The following RASSF3 variants were observed in gnomAD, a reference collection of about 807,000 sequenced individuals.
RASSF3 encodes the protein ras association domain-containing protein 3.
Under a neutral mutation model 19.9 loss-of-function variants are expected in RASSF3, and 19 were observed. The ratio of observed to expected loss-of-function variants is 0.96; its 90% CI spans 0.67 to 1.40. RASSF3 has a LOEUF of 1.40. Ranked by LOEUF, RASSF3 falls within the 40% of genes most tolerant of loss-of-function variation. The probability of loss-of-function intolerance (pLI) is 0.00; values close to 1 mark genes in which losing one functional copy is unlikely to be tolerated. For missense variants in RASSF3, 306 were observed against 289.8 expected (o/e 1.06, Z -0.41); for synonymous variants, 110 against 104.2 (o/e 1.06, Z -0.34).
downstream of RASSF3, among the ~76,000 whole-genome samples, chr12:64,546,523 G>C (rs7306956): frequency 0.33 from 50,678 of 152,094 alleles, 10,476 homozygotes; most frequent in East Asian, 0.66. Flanking sequence ...ACCCGCCTAG[G>C]CCCCCCAAAG....
chr12:64,593,437 T>A (rs985422250), intron 2 of RASSF3, among the ~76,000 whole-genome samples: 8 of 152,048 alleles, frequency 5.3e-5, no homozygotes, highest in Non-Finnish European at 2.9e-5. Flanking sequence ...GCCCAGCTGG[T>A]CTTGAACTCC....
chr12:64,512,060 G>T (rs888863157), intron 1 of RASSF3, among the ~76,000 whole-genome samples: 1 of 152,190 alleles, frequency 6.6e-6, no homozygotes, highest in African/African-American at 2.4e-5. Context: ...GAGGGGGGCT[G>T]CTTATTAGAC....
intron 1 of RASSF3, among the ~76,000 whole-genome samples, chr12:64,511,799 A>G (rs1394565449): frequency 1.3e-5 from 2 of 151,896 alleles, no homozygotes; most frequent in African/African-American, 2.4e-5. Flanking sequence ...CCTTTTCATC[A>G]TGACTTATAA....
chr12:64,684,435 G>T (rs1147099), intron 1 of RASSF3, among the ~76,000 whole-genome samples: 72,134 of 129,790 alleles, frequency 0.56, 20,952 homozygotes, highest in African/African-American at 0.66. Context: ...TTGTTTGTTT[G>T]TTTTTTTTTT....
intron 1 of RASSF3, among the ~76,000 whole-genome samples, chr12:64,678,648 CAAAAA>C (rs767180678): frequency 2.2e-5 from 2 of 90,908 alleles, no homozygotes; most frequent in African/African-American, 8.3e-5. Context: ...TCCGTAATAC[CAAAAA>C]AAAAAAAAAA....
At chr12:64,539,515 A>T (rs1207472978) in intron 1 of RASSF3, among the ~76,000 whole-genome samples, 1 of 152,094 alleles carries the variant, frequency 6.6e-6, no homozygotes, top group East Asian at 1.9e-4. Flanking sequence ...GGTGGCTTAT[A>T]TCTGTAGTCC....
intron 2 of RASSF3, among the ~76,000 whole-genome samples, chr12:64,586,119 G>A (rs1869794439): frequency 6.6e-6 from 1 of 152,024 alleles, no homozygotes; most frequent in Admixed American, 6.6e-5. Context: ...GAAGTCAGGA[G>A]TTTGAGACCA....
intron 1 of RASSF3, among the ~76,000 whole-genome samples, chr12:64,642,436 T>TGA (rs1871569230): frequency 6.6e-6 from 1 of 151,538 alleles, no homozygotes; most frequent in African/African-American, 2.4e-5. Flanking sequence ...GGCGGGTGCC[T>TGA]GTAGTCTCAG....
intron 1 of RASSF3, among the ~76,000 whole-genome samples, chr12:64,624,129 T>G (rs964706995): frequency 2.0e-5 from 3 of 151,940 alleles, no homozygotes; most frequent in African/African-American, 7.3e-5. Flanking sequence ...AATTTGGGCT[T>G]ATTGTGTAGC....
At chr12:64,604,573 G>A (rs934451965) in intron 2 of RASSF3, among the ~76,000 whole-genome samples, 1 of 152,020 alleles carries the variant, frequency 6.6e-6, no homozygotes, top group East Asian at 1.9e-4. Flanking sequence ...GAGAACAGCC[G>A]CTGATTGTAT....
At chr12:64,689,791 C>CTTTTTTTCTTTTT (rs1868255289) in intron 3 of RASSF3, among the ~76,000 whole-genome samples, 1 of 96,556 alleles carries the variant, frequency 1.0e-5, no homozygotes, top group East Asian at 3.1e-4. Context: ...TTCGCTAATT[C>CTTTTTTTCTTTTT]TTTTTTTTTT....
intron 1 of RASSF3, among the ~76,000 whole-genome samples, chr12:64,626,843 G>A (rs1871014244): frequency 6.6e-6 from 1 of 152,248 alleles, no homozygotes. Context: ...AGGATTACAG[G>A]TGTATGCCAC....
intron 1 of RASSF3, among the ~76,000 whole-genome samples, chr12:64,641,376 ACAGAGTGAGACCCTGTCT>A (rs1382056528): frequency 1.4e-5 from 2 of 144,670 alleles, no homozygotes; most frequent in East Asian, 4.0e-4. Context: ...AGCCTGGGTG[ACAGAGTGAGACCCTGTCT>A]CACAGGCGCA....
chr12:64,571,794 C>T (rs1463095292), intron 2 of RASSF3, among the ~76,000 whole-genome samples: 1 of 152,114 alleles, frequency 6.6e-6, no homozygotes, highest in East Asian at 1.9e-4. Context: ...TATGGTGTCT[C>T]CTCTCTCTTC....
At chr12:64,688,033 G>C (rs1037543131) in intron 2 of RASSF3, among the ~76,000 whole-genome samples, 183 bp from the exon 3 acceptor site, 2 of 152,198 alleles carry the variant, frequency 1.3e-5, no homozygotes, top group African/African-American at 4.8e-5. Context: ...GAAGCACTTT[G>C]CCTGGTGTGT....
At chr12:64,611,878 G>C (rs188986501) in intron 1 of RASSF3, among the ~76,000 whole-genome samples, 1 of 152,274 alleles carries the variant, frequency 6.6e-6, no homozygotes, top group Non-Finnish European at 1.5e-5. Flanking sequence ...GGAAGTTCTA[G>C]TCTTTTCAGG....
chr12:64,642,702 C>G (rs1264922582), intron 1 of RASSF3, among the ~76,000 whole-genome samples: 1 of 144,048 alleles, frequency 6.9e-6, no homozygotes, highest in Non-Finnish European at 1.5e-5. Context: ...TAATACAAAA[C>G]TTTGTAATAG....
chr12:64,549,836 T>C (rs1391855545), intron 2 of RASSF3, among the ~76,000 whole-genome samples: 4 of 152,216 alleles, frequency 2.6e-5, no homozygotes, highest in Non-Finnish European at 1.5e-5. Context: ...AAACAATAAA[T>C]ATCTAATGAT....
intron 1 of RASSF3, among the ~76,000 whole-genome samples, chr12:64,658,106 G>A (rs551064085): frequency 2.6e-5 from 4 of 152,112 alleles, no homozygotes; most frequent in African/African-American, 4.8e-5. Context: ...TAGAAGTGTG[G>A]GTGGTGTTAT....
Sources: gnomAD v4.1 joint callset for allele counts (sites outside exome capture counted in the v4.1 genomes callset) on GRCh38, gnomAD v4.1.1 for gene constraint, MANE v1.5 for transcripts, NCBI Gene and HGNC (gene_info 2026-07-23, HGNC 2026-07-21) for gene names.